Variants in DLG2 observed in about 807,000 individuals in gnomAD.
The protein encoded by DLG2 is discs large MAGUK scaffold protein 2.
DLG2 carries 45 observed loss-of-function variants against 132.5 expected under a neutral mutation model. That is an observed-to-expected ratio of 0.34 (90% CI 0.27 to 0.44). DLG2 has a LOEUF of 0.44. DLG2 is among the 20% of genes least tolerant of loss of function. DLG2 has a pLI of 1.00. For synonymous variants in DLG2, 424 were observed against 419.6 expected (o/e 1.01, Z -0.13); for missense variants, 1,045 against 1,196.9 (o/e 0.87, Z 1.87).
At chr11:84,930,788 C>T (rs1449060605) in intron 6 of DLG2, among the ~76,000 whole-genome samples, 1 of 152,114 alleles carries the variant, frequency 6.6e-6, no homozygotes, top group African/African-American at 2.4e-5. Flanking sequence ...ATGTGCAAGA[C>T]TTTCCCATCT....
chr11:83,870,522 T>C (rs1457384450), intron 16 of DLG2, among the ~76,000 whole-genome samples: 1 of 152,152 alleles, frequency 6.6e-6, no homozygotes, highest in Non-Finnish European at 1.5e-5. Flanking sequence ...TGATAGGCAC[T>C]TAGGTTGATT....
At chr11:83,795,011 T>C (rs1425167514) in intron 17 of DLG2, among the ~76,000 whole-genome samples, 4 of 152,232 alleles carry the variant, frequency 2.6e-5, no homozygotes, top group African/African-American at 9.6e-5. Flanking sequence ...CAACTTATAA[T>C]GATTAGATCA....
intron 8 of DLG2, among the ~76,000 whole-genome samples, chr11:84,231,416 T>C (rs1413703400): frequency 6.6e-6 from 1 of 152,194 alleles, no homozygotes; most frequent in Non-Finnish European, 1.5e-5. Flanking sequence ...CTGATCCTAA[T>C]TCTCAGTGAT....
chr11:84,893,920 T>C (rs12273440), intron 6 of DLG2, among the ~76,000 whole-genome samples: 14,712 of 152,202 alleles, frequency 0.097, 939 homozygotes, highest in African/African-American at 0.18. Flanking sequence ...GCATAGGCTT[T>C]AGGGTATTTA....
At chr11:84,823,581 C>CCACACACACACACA (rs60714512) in intron 6 of DLG2, among the ~76,000 whole-genome samples, 10 of 134,496 alleles carry the variant, frequency 7.4e-5, no homozygotes, top group East Asian at 2.4e-4. Flanking sequence ...GGTTGTATAT[C>CCACACACACACACA]CACACACACA....
intron 4 of DLG2, among the ~76,000 whole-genome samples, chr11:85,158,392 C>T (rs2077752940): frequency 6.6e-6 from 1 of 152,048 alleles, no homozygotes; most frequent in Non-Finnish European, 1.5e-5. Flanking sequence ...GCTGGAAATG[C>T]CTGATCTCCT....
intron 7 of DLG2, among the ~76,000 whole-genome samples, chr11:84,378,994 A>C (rs2098740116): frequency 7.0e-6 from 1 of 142,618 alleles, no homozygotes; most frequent in South Asian, 2.2e-4. Flanking sequence ...AAACAATAAC[A>C]AAAAAAAAAA....
chr11:83,830,713 G>C (rs1288783039), intron 17 of DLG2, among the ~76,000 whole-genome samples: 2 of 152,196 alleles, frequency 1.3e-5, no homozygotes, highest in Admixed American at 6.5e-5. Context: ...ACACTGACTT[G>C]AGTTCAGCTT....
chr11:84,819,560 A>T (rs772638283), intron 6 of DLG2, among the ~76,000 whole-genome samples: 5 of 142,194 alleles, frequency 3.5e-5, no homozygotes, highest in Admixed American at 6.8e-5. Context: ...ATAACCTGAT[A>T]AAAAAAAAAT....
chr11:84,596,384 T>C lies in DLG2; in HGVS notation c.358-61653A>G, dbSNP rs562234379. On this transcript the variant is annotated intron_variant, in intron 6 of 27. Transcript: ENST00000376104. ...CACCATGCCCAGATAATTTTCTTTT[T>C]TTTTTTTTTTTTTTTAGTAGTAGAG... 4.7e-3 allele frequency among the ~76,000 whole-genome samples: 709 copies of C among 150,522 alleles called. 6 individuals are homozygous for C. The highest frequency in any genetic ancestry group is 0.011 in the Admixed American group (163 of 15,102).
At chr11:84,295,686 C>A (rs2098080806) in intron 7 of DLG2, among the ~76,000 whole-genome samples, 1 of 152,166 alleles carries the variant, frequency 6.6e-6, no homozygotes, top group African/African-American at 2.4e-5. Flanking sequence ...ATACTAGAGT[C>A]CTGGTTTCTA....
chr11:85,610,827 T>C (rs766455596), intron 2 of DLG2, among the ~76,000 whole-genome samples: 1 of 152,170 alleles, frequency 6.6e-6, no homozygotes, highest in Non-Finnish European at 1.5e-5. Flanking sequence ...TATACTGGCT[T>C]ATCATCACCC....
intron 14 of DLG2, among the ~76,000 whole-genome samples, chr11:83,936,345 T>C (rs993981450): frequency 4.6e-5 from 7 of 152,194 alleles, no homozygotes; most frequent in Non-Finnish European, 5.9e-5. Flanking sequence ...TCTGTACTTC[T>C]CAATTATTTT....
At chr11:84,731,232 ATTAACT>A (rs1277857096) in intron 6 of DLG2, among the ~76,000 whole-genome samples, 1 of 152,058 alleles carries the variant, frequency 6.6e-6, no homozygotes, top group Non-Finnish European at 1.5e-5. Context: ...ACGTTAGCAC[ATTAACT>A]TTATCTCCCC....
chr11:85,170,435 C>A (rs577014026), intron 4 of DLG2, among the ~76,000 whole-genome samples: 1 of 152,172 alleles, frequency 6.6e-6, no homozygotes, highest in South Asian at 2.1e-4. Context: ...TATGACTCAC[C>A]CAAGGGGAGA....
intron 7 of DLG2, among the ~76,000 whole-genome samples, chr11:84,466,230 A>T (rs1427169478): frequency 1.3e-5 from 2 of 151,358 alleles, no homozygotes; most frequent in African/African-American, 2.4e-5. Context: ...ATGTACAAGT[A>T]TTAGAAGAAA....
chr11:84,061,366 G>A (rs1192968577), intron 10 of DLG2, among the ~76,000 whole-genome samples: 3 of 152,112 alleles, frequency 2.0e-5, no homozygotes, highest in African/African-American at 7.2e-5. Context: ...TGCAATATTT[G>A]TTGATTTATA....
At chr11:83,876,374 C>A (rs185336832) in intron 15 of DLG2, among the ~76,000 whole-genome samples, 392 of 152,026 alleles carry the variant, frequency 2.6e-3, no homozygotes, top group Middle Eastern at 0.01. Context: ...ACAGTCAGTG[C>A]CACAAGGTGT....
chr11:84,331,457 A>AAAT (rs1555508996), intron 7 of DLG2, among the ~76,000 whole-genome samples: 3 of 148,798 alleles, frequency 2.0e-5, no homozygotes, highest in African/African-American at 7.4e-5. Context: ...AAAAAAAAAA[A>AAAT]AAAATAAATA....
Sources: gnomAD v4.1 joint callset for allele counts (sites outside exome capture counted in the v4.1 genomes callset) on GRCh38, gnomAD v4.1.1 for gene constraint, MANE v1.5 for transcripts, NCBI Gene and HGNC (gene_info 2026-07-23, HGNC 2026-07-21) for gene names.